The following GLCE variants were observed in gnomAD, a reference collection of about 807,000 sequenced individuals.
GLCE encodes the protein D-glucuronyl C5-epimerase.
Under a neutral mutation model 47.9 loss-of-function variants are expected in GLCE, and 19 were observed. The observed-to-expected ratio is 0.40, with a 90% CI of 0.28 to 0.58. The LOEUF (loss-of-function observed/expected upper bound fraction) is 0.58, where lower values mean the gene tolerates loss of function less well. Among genes scored for constraint, GLCE ranks in the 20% least tolerant of loss-of-function variants. The probability of loss-of-function intolerance (pLI) is 0.48; values close to 1 mark genes in which losing one functional copy is unlikely to be tolerated. For synonymous variants in GLCE, 245 were observed against 263.4 expected (o/e 0.93, Z 0.68); for missense variants, 556 against 743.3 (o/e 0.75, Z 2.93).
At chr15:69,172,927 A>G (rs2051609617) in intron 1 of GLCE, among the ~76,000 whole-genome samples, 1 of 152,188 alleles carries the variant, frequency 6.6e-6, no homozygotes, top group Non-Finnish European at 1.5e-5. Flanking sequence ...TTGGTGTGTA[A>G]ATATTTGATA....
intron 2 of GLCE, among the ~76,000 whole-genome samples, chr15:69,220,917 G>A (rs187164466): frequency 6.6e-6 from 1 of 152,096 alleles, no homozygotes; most frequent in Non-Finnish European, 1.5e-5. Context: ...TAGAATTTAT[G>A]TTTAAGTCTT....
At chr15:69,204,200 C>T (rs942554930) in intron 1 of GLCE, among the ~76,000 whole-genome samples, 8 of 151,644 alleles carry the variant, frequency 5.3e-5, no homozygotes, top group Admixed American at 3.9e-4. Flanking sequence ...TTCCAGCTTG[C>T]ATTCCTCATC....
chr15:69,268,157 C>A, intron 4 of GLCE, 63 bp from the exon 5 acceptor site: 1 of 1,035,364 alleles, frequency 9.7e-7, no homozygotes, highest in Non-Finnish European at 1.4e-6. Flanking sequence ...AATTGCAATT[C>A]AATTTCAAAT....
rs147957602 is a variant in GLCE, at chr15:69,193,090, C to A, written c.-104-17226C>A. On this transcript the variant is annotated intron_variant, in intron 1 of 4. Transcript: ENST00000261858. Reference sequence around the variant, plus strand: ...TCAGGCATCTGCCCCCTCCCCCTCCCCCTGAATTCTAGCTGTTTTGGCCTC... The same window carrying A: ...TCAGGCATCTGCCCCCTCCCCCTCCACCTGAATTCTAGCTGTTTTGGCCTC... Among the ~76,000 whole-genome samples the A allele has an allele frequency of 2.6e-3, 401 of 152,020 alleles. 1 individual carries two copies. Among genetic ancestry groups the A allele is most frequent in the Non-Finnish European group, 4.9e-3 (334 of 67,952 alleles).
chr15:69,209,140 AT>A (rs540646997), intron 1 of GLCE, among the ~76,000 whole-genome samples: 87 of 146,638 alleles, frequency 5.9e-4, no homozygotes, highest in African/African-American at 1.9e-3. Context: ...TTTATCTTCT[AT>A]TTTTTTTTCT....
chr15:69,202,446 T>C (rs1022712968), intron 1 of GLCE, among the ~76,000 whole-genome samples: 1 of 152,164 alleles, frequency 6.6e-6, no homozygotes, highest in Non-Finnish European at 1.5e-5. Context: ...ATCTTCCTCA[T>C]ATACAATTCT....
At chr15:69,246,664 C>T (rs181542934) in intron 2 of GLCE, among the ~76,000 whole-genome samples, 7 of 149,314 alleles carry the variant, frequency 4.7e-5, no homozygotes, top group South Asian at 4.2e-4. Flanking sequence ...TGCAGTGAGC[C>T]GAGATCATGC....
At chr15:69,195,056 C>T (rs978504191) in intron 1 of GLCE, among the ~76,000 whole-genome samples, 2 of 152,070 alleles carry the variant, frequency 1.3e-5, no homozygotes, top group Non-Finnish European at 2.9e-5. Context: ...GCCAGTTAAT[C>T]TCTTTGAGAG....
intron 1 of GLCE, among the ~76,000 whole-genome samples, chr15:69,186,303 G>A (rs2051822976): frequency 6.6e-6 from 1 of 152,132 alleles, no homozygotes; most frequent in African/African-American, 2.4e-5. Flanking sequence ...AAGGAGAAGA[G>A]GAGAAGGTCA....
At chr15:69,188,635 A>G (rs1046372202) in intron 1 of GLCE, among the ~76,000 whole-genome samples, 3 of 152,106 alleles carry the variant, frequency 2.0e-5, no homozygotes, top group Admixed American at 6.6e-5. Context: ...AGTGAGCTTT[A>G]TAATTTGTCT....
chr15:69,243,886 C>T (rs2052711072), intron 2 of GLCE, among the ~76,000 whole-genome samples: 1 of 152,144 alleles, frequency 6.6e-6, no homozygotes, highest in Admixed American at 6.5e-5. Flanking sequence ...GTCATCCTCC[C>T]ACCTTGGTTT....
chr15:69,205,167 C>CA (rs1263598207), intron 1 of GLCE, among the ~76,000 whole-genome samples: 1 of 151,974 alleles, frequency 6.6e-6, no homozygotes, highest in Non-Finnish European at 1.5e-5. Context: ...TGCTCCCCCC[C>CA]ACCCCTCAAT....
chr15:69,258,614 G>A (rs1383385294), intron 3 of GLCE, among the ~76,000 whole-genome samples: 2 of 152,080 alleles, frequency 1.3e-5, no homozygotes, highest in Non-Finnish European at 2.9e-5. Flanking sequence ...CATAGTAGGT[G>A]TATGTATTTA....
At chr15:69,195,115 G>A (rs117653563) in intron 1 of GLCE, among the ~76,000 whole-genome samples, 135 of 152,238 alleles carry the variant, frequency 8.9e-4, no homozygotes, top group Admixed American at 2.7e-3. Flanking sequence ...GGAGGTGGGG[G>A]AGGATGTGAT....
intron 1 of GLCE, among the ~76,000 whole-genome samples, chr15:69,161,590 G>T (rs1219871613): frequency 6.6e-6 from 1 of 152,240 alleles, no homozygotes; most frequent in Non-Finnish European, 1.5e-5. Context: ...GAGGGCTTTG[G>T]TGCTACCGCG....
chr15:69,206,267 AG>A (rs2052150669), intron 1 of GLCE, among the ~76,000 whole-genome samples: 1 of 152,084 alleles, frequency 6.6e-6, no homozygotes, highest in African/African-American at 2.4e-5. Context: ...GAATACACAG[AG>A]GGAAATGCCC....
intron 2 of GLCE, among the ~76,000 whole-genome samples, chr15:69,229,809 T>C (rs1016561537): frequency 6.6e-6 from 1 of 152,096 alleles, no homozygotes; most frequent in Non-Finnish European, 1.5e-5. Context: ...ATGTAAATGG[T>C]CTAAATACCA....
rs138909358 is a variant in GLCE at position 69,220,975 on chromosome 15, A to G, written c.-14+10569A>G. On this transcript the variant is annotated intron_variant, in intron 2 of 4. Transcript: ENST00000261858. The stretch of plus-strand genomic sequence containing the variant: ...AGGATCCAGCTTCACTCTTTTGCAT[A>G]TGGATATCCAGTTTTCCCAACACCA... 2.4e-3 allele frequency among the ~76,000 whole-genome samples: 365 copies of G among 152,312 alleles called. 4 individuals carry two copies. Among genetic ancestry groups the G allele is most frequent in the African/African-American group, 8.6e-3 (356 of 41,560 alleles).
chr15:69,169,614 A>G (rs181363421), intron 1 of GLCE, among the ~76,000 whole-genome samples: 23 of 141,426 alleles, frequency 1.6e-4, no homozygotes, highest in African/African-American at 3.2e-4. Context: ...TCATTGTTCA[A>G]TTCTCACCTA....
Sources: gnomAD v4.1 joint callset for allele counts (sites outside exome capture counted in the v4.1 genomes callset) on GRCh38, gnomAD v4.1.1 for gene constraint, MANE v1.5 for transcripts, NCBI Gene and HGNC (gene_info 2026-07-23, HGNC 2026-07-21) for gene names.